DDR2: variants seen among roughly 807,000 people sequenced by gnomAD.
DDR2 encodes discoidin domain receptor tyrosine kinase 2.
Under a neutral mutation model 94.9 loss-of-function variants are expected in DDR2, and 27 were observed. The ratio of observed to expected loss-of-function variants is 0.28; its 90% CI spans 0.21 to 0.39. DDR2 has a LOEUF of 0.39. Among genes scored for constraint, DDR2 ranks in the 10% least tolerant of loss-of-function variants. The pLI, the probability that DDR2 is intolerant of heterozygous loss-of-function variation, is 1.00. For missense variants in DDR2, 783 were observed against 1,076.0 expected, an observed-to-expected ratio of 0.73 and a Z score of 3.81; for synonymous variants, 382 against 377.2, an observed-to-expected ratio of 1.01 and a Z score of -0.15.
At chr1:162,689,152 G>T (rs1228835912) in intron 2 of DDR2, among the ~76,000 whole-genome samples, 1 of 152,160 alleles carries the variant, frequency 6.6e-6, no homozygotes, top group African/African-American at 2.4e-5. Context: ...TCGGGTGCCA[G>T]TTGCAACATA....
intron 14 of DDR2, among the ~76,000 whole-genome samples, chr1:162,775,149 C>T (rs1160107344): frequency 6.6e-6 from 1 of 151,704 alleles, no homozygotes; most frequent in East Asian, 1.9e-4. Context: ...GTTCGTACTG[C>T]ATTAAGAAAA....
intron 3 of DDR2, among the ~76,000 whole-genome samples, chr1:162,728,085 G>T (rs903802401): frequency 9.0e-5 from 11 of 122,208 alleles, no homozygotes; most frequent in African/African-American, 3.4e-4. Context: ...TCTATATATA[G>T]ATATAATCAC....
intron 17 of DDR2, among the ~76,000 whole-genome samples, chr1:162,779,894 AC>A (rs1647801042): frequency 6.6e-6 from 1 of 152,166 alleles, no homozygotes; most frequent in South Asian, 2.1e-4. Context: ...GCTGCAGACA[AC>A]TGCAGAAGAC....
intron 3 of DDR2, among the ~76,000 whole-genome samples, chr1:162,741,214 T>C (rs28548716): frequency 0.14 from 11,787 of 81,390 alleles, 1,054 homozygotes; most frequent in South Asian, 0.19. Flanking sequence ...CAATACAATA[T>C]AATATAATAT....
At chr1:162,762,078 C>T (rs1329822495) in intron 9 of DDR2, among the ~76,000 whole-genome samples, 1 of 152,184 alleles carries the variant, frequency 6.6e-6, no homozygotes, top group Non-Finnish European at 1.5e-5. Flanking sequence ...GTATGACTAA[C>T]TGTCCATCAA....
intron 1 of DDR2, among the ~76,000 whole-genome samples, chr1:162,650,289 TA>T (rs66715052): frequency 0.75 from 108,243 of 143,792 alleles, 38,831 homozygotes; most frequent in Non-Finnish European, 0.79. Context: ...TCCTCCACGT[TA>T]AAAAAAAAAT....
intron 2 of DDR2, among the ~76,000 whole-genome samples, chr1:162,703,909 A>G (rs1050688701): frequency 2.0e-5 from 3 of 152,180 alleles, no homozygotes; most frequent in Admixed American, 6.5e-5. Flanking sequence ...GATTGATGAC[A>G]TCATACGCCA....
intron 3 of DDR2, among the ~76,000 whole-genome samples, chr1:162,723,678 A>G (rs576728018): frequency 1.1e-3 from 161 of 152,296 alleles, no homozygotes; most frequent in Non-Finnish European, 2.0e-3. Context: ...GGCCTGTGAC[A>G]ACTGTTTGTG....
At chr1:162,734,055 T>C (rs1662183088) in intron 3 of DDR2, among the ~76,000 whole-genome samples, 1 of 152,246 alleles carries the variant, frequency 6.6e-6, no homozygotes, top group South Asian at 2.1e-4. Flanking sequence ...TGAGACAAAT[T>C]ATTTTATCTG....
At chr1:162,644,080 C>A (rs1657290273) in intron 1 of DDR2, among the ~76,000 whole-genome samples, 1 of 152,108 alleles carries the variant, frequency 6.6e-6, no homozygotes, top group African/African-American at 2.4e-5. Context: ...AGTAGGGACA[C>A]CTCCAGTTCC....
intron 2 of DDR2, among the ~76,000 whole-genome samples, chr1:162,674,708 C>T (rs888810040): frequency 3.9e-5 from 6 of 152,182 alleles, no homozygotes; most frequent in African/African-American, 1.4e-4. Context: ...CTTACTTCTG[C>T]CACCTGCTAG....
chr1:162,760,295 C>A (rs1663651122), intron 8 of DDR2, among the ~76,000 whole-genome samples: 1 of 151,096 alleles, frequency 6.6e-6, no homozygotes, highest in African/African-American at 2.4e-5. Flanking sequence ...GCTCTAATTT[C>A]TTTTAATATC....
chr1:162,757,666 G>T (rs1157285772), intron 7 of DDR2, among the ~76,000 whole-genome samples: 2 of 152,102 alleles, frequency 1.3e-5, no homozygotes, highest in Non-Finnish European at 2.9e-5. Flanking sequence ...GCTGAGGAAG[G>T]ACATGATTGG....
At chr1:162,665,238 C>T (rs1238154913) in intron 2 of DDR2, among the ~76,000 whole-genome samples, 2 of 152,140 alleles carry the variant, frequency 1.3e-5, no homozygotes, top group South Asian at 2.1e-4. Flanking sequence ...TAAAGTGGAT[C>T]GGGAGCCTCT....
chr1:162,717,650 A>C (rs559111775), intron 2 of DDR2, among the ~76,000 whole-genome samples: 1 of 152,302 alleles, frequency 6.6e-6, no homozygotes, highest in South Asian at 2.1e-4. Flanking sequence ...AGGATTACTC[A>C]TCAGGAACTT....
At chr1:162,673,970 G>A (rs1014987083) in intron 2 of DDR2, among the ~76,000 whole-genome samples, 4 of 151,874 alleles carry the variant, frequency 2.6e-5, no homozygotes, top group East Asian at 1.9e-4. Flanking sequence ...CTCTATTCTC[G>A]TCCTTAAAGG....
chr1:162,745,868 CTG>C (rs1437513055), intron 3 of DDR2, among the ~76,000 whole-genome samples: 3 of 152,132 alleles, frequency 2.0e-5, no homozygotes, highest in Non-Finnish European at 4.4e-5. Context: ...ACAAATGTCA[CTG>C]AGATTTTGAA....
At chr1:162,634,859 G>A (rs1456394575) in intron 1 of DDR2, among the ~76,000 whole-genome samples, 1 of 152,174 alleles carries the variant, frequency 6.6e-6, no homozygotes, top group Non-Finnish European at 1.5e-5. Flanking sequence ...CTAGCTGAGG[G>A]CAGATCCTTG....
At chr1:162,747,192 TA>T (rs1362759072) in intron 3 of DDR2, among the ~76,000 whole-genome samples, 2 of 152,094 alleles carry the variant, frequency 1.3e-5, no homozygotes, top group Non-Finnish European at 2.9e-5. Flanking sequence ...GAAGTAGGCT[TA>T]AAAATATCAG....
Sources: gnomAD v4.1 joint callset for allele counts (sites outside exome capture counted in the v4.1 genomes callset) on GRCh38, gnomAD v4.1.1 for gene constraint, MANE v1.5 for transcripts, NCBI Gene and HGNC (gene_info 2026-07-23, HGNC 2026-07-21) for gene names.